The following ERBIN variants were observed in gnomAD, a reference collection of about 807,000 sequenced individuals.
ERBIN encodes erbb2 interacting protein.
ERBIN carries 60 observed loss-of-function variants against 158.4 expected under a neutral mutation model. The ratio of observed to expected loss-of-function variants is 0.38; its 90% CI spans 0.31 to 0.47. ERBIN has a LOEUF of 0.47. ERBIN is among the 20% of genes least tolerant of loss of function. The pLI is 0.99. For synonymous variants in ERBIN, 594 were observed against 557.2 expected, an observed-to-expected ratio of 1.07 and a Z score of -0.93; for missense variants, 1,610 against 1,648.0, an observed-to-expected ratio of 0.98 and a Z score of 0.40.
At chr5:65,999,237 A>G (rs1752774773) in intron 4 of ERBIN, among the ~76,000 whole-genome samples, 2 of 152,052 alleles carry the variant, frequency 1.3e-5, no homozygotes. Flanking sequence ...TTGGTGGTGG[A>G]CGCCTATAAT....
At chr5:65,964,148 G>A (rs1365326169) in intron 1 of ERBIN, among the ~76,000 whole-genome samples, 1 of 152,162 alleles carries the variant, frequency 6.6e-6, no homozygotes, top group Non-Finnish European at 1.5e-5. Context: ...TGAAACTCTA[G>A]TATTAGATGG....
At position 66,025,830 on chromosome 5, in the gene ERBIN, T is replaced by G. The variant is rs762221106; in HGVS notation, c.891-18T>G. The G allele has an allele frequency of 7.4e-7, 1 of 1,351,998 alleles. No homozygotes were observed. The highest frequency in any genetic ancestry group is 1.5e-5 in the African/African-American group (1 of 66,108). The allele number at this position is 1,351,998 out of a possible 1,614,324, so 83.8% of individuals were successfully genotyped here. A position where few individuals can be genotyped will look rare whatever the true frequency, so the allele number is the denominator to read the frequency against. ...AAATCTTTAACAAATAATATATATT[T>G]CTTTTTTTAAATTAAAGGTTAATAT... is the stretch of plus-strand genomic sequence containing the variant. On this transcript the variant is annotated intron_variant, in intron 11 of 25. Transcript: ENST00000284037.
At chr5:66,013,911 G>C (rs1399383639) in intron 6 of ERBIN, among the ~76,000 whole-genome samples, 1 of 152,086 alleles carries the variant, frequency 6.6e-6, no homozygotes, top group Non-Finnish European at 1.5e-5. Flanking sequence ...TTGAGATACT[G>C]AATGCTATAT....
At chr5:66,043,359 A>C (rs1334744444) in intron 16 of ERBIN, among the ~76,000 whole-genome samples, 161 bp downstream of exon 16, 3 of 152,214 alleles carry the variant, frequency 2.0e-5, no homozygotes, top group African/African-American at 7.2e-5. Context: ...TCAGACATGA[A>C]AGAATTTGGG....
Position 65,959,669 on chromosome 5 carries a change from C to T in ERBIN, c.-57-28966C>T, listed in dbSNP as rs562775947. Among the ~76,000 whole-genome samples the T allele has an allele frequency of 1.3e-3, 195 of 152,280 alleles. 3 individuals carry two copies. In the South Asian group the frequency reaches 0.039, roughly 30 times the overall value. On this transcript the variant is annotated intron_variant, in intron 1 of 25. Coordinates refer to ENST00000284037, the MANE Select transcript of ERBIN (RefSeq NM_001253697.2). ...CAGGTTCAGTCAAATTCATCTGGTT[C>T]TCAAATCGTATGACACTTATGACTG...
At chr5:65,980,328 T>C (rs1385261617) in intron 1 of ERBIN, among the ~76,000 whole-genome samples, 1 of 152,064 alleles carries the variant, frequency 6.6e-6, no homozygotes, top group East Asian at 1.9e-4. Flanking sequence ...CCCAGGAGGC[T>C]GAGGCAGGAG....
intron 2 of ERBIN, among the ~76,000 whole-genome samples, chr5:65,990,316 GAAT>G (rs1751724569): frequency 6.6e-6 from 1 of 152,152 alleles, no homozygotes; most frequent in South Asian, 2.1e-4. Context: ...AGTGACGATG[GAAT>G]GAGAGTCTGC....
intron 7 of ERBIN, among the ~76,000 whole-genome samples, chr5:66,020,419 A>G (rs1036868823): frequency 6.6e-6 from 1 of 151,984 alleles, no homozygotes; most frequent in Non-Finnish European, 1.5e-5. Context: ...ACTCATTTTC[A>G]AAGTATTAAC....
Position 66,011,516 on chromosome 5 carries a change from C to T in ERBIN, c.308-533C>T, listed in dbSNP as rs571133339. 6.6e-5 allele frequency among the ~76,000 whole-genome samples: 10 copies of T among 152,122 alleles called. No individual in the cohort carries two copies. The South Asian group carries it at 1.0e-3, about 16-fold the overall frequency. ...CAGTCTGACCAGCATGGTGAAACCC[C>T]GTCTCTACTGAAATACAAAAATTAG... On this transcript the variant is annotated intron_variant, in intron 4 of 25. Coordinates refer to ENST00000284037, the MANE Select transcript of ERBIN (RefSeq NM_001253697.2).
rs1327052052 is a variant in ERBIN at position 65,957,224 on chromosome 5, ATTTTAT to A, written c.-58+30423_-58+30428del. Among the ~76,000 whole-genome samples the A allele has an allele frequency of 4.2e-4, 60 of 143,060 alleles. 1 individual carries two copies. Among genetic ancestry groups the A allele is most frequent in the African/African-American group, 1.7e-3 (59 of 33,804 alleles). 93.9% of individuals were successfully genotyped at this position (143,060 alleles called of 152,430 possible). ...TTTTTTTAAATTTTTATTTTATTTT[ATTTTAT>A]TTTTTTTATTGATCATTCTTGGGTG... On this transcript the variant is annotated intron_variant, in intron 1 of 25. Transcript: ENST00000284037.
At chr5:65,987,556 T>G (rs1221439130) in intron 1 of ERBIN, among the ~76,000 whole-genome samples, 4 of 151,714 alleles carry the variant, frequency 2.6e-5, no homozygotes, top group Admixed American at 1.3e-4. Flanking sequence ...AGCAAGACCC[T>G]GTCTCAAAAA....
chr5:66,012,078 A>T lies in ERBIN; in HGVS notation c.337A>T (p.Asn113Tyr), dbSNP rs1181390389. The T allele has an allele frequency of 1.5e-5, 24 of 1,606,656 alleles. No homozygotes were observed. Among genetic ancestry groups the T allele is most frequent in the Non-Finnish European group, 2.0e-5 (24 of 1,175,898 alleles). ...GIQEFPENIK[N>Y]CKVLTIVEAS... is the part of the protein sequence containing the mutation. Reference sequence around the variant, plus strand: ...ACAGGAGTTTCCAGAAAATATAAAAAATTGTAAAGTTTTGACAATTGTGGA... The same window carrying T: ...ACAGGAGTTTCCAGAAAATATAAAATATTGTAAAGTTTTGACAATTGTGGA... Residue 113 changes from asparagine (N) to tyrosine (Y), a missense_variant, in exon 5 of 26, where the codon AAT becomes TAT. Physicochemically the swap from Asn to Tyr is moderately radical, Grantham distance 143 (BLOSUM62 -2). Coordinates refer to ENST00000284037, the MANE Select transcript of ERBIN (RefSeq NM_001253697.2).
chr5:66,020,971 A>G (rs1186854550), intron 7 of ERBIN, among the ~76,000 whole-genome samples: 3 of 151,994 alleles, frequency 2.0e-5, no homozygotes, highest in Non-Finnish European at 4.4e-5. Flanking sequence ...AGTAATTATT[A>G]TACATCTGCC....
At chr5:65,959,677 GTATGACACT>G (rs1368679564) in intron 1 of ERBIN, among the ~76,000 whole-genome samples, 1 of 152,108 alleles carries the variant, frequency 6.6e-6, no homozygotes, top group Admixed American at 6.5e-5. Context: ...TTCTCAAATC[GTATGACACT>G]TATGACTGTG....
chr5:65,961,942 G>C (rs1173752932), intron 1 of ERBIN, among the ~76,000 whole-genome samples: 1 of 152,106 alleles, frequency 6.6e-6, no homozygotes, highest in African/African-American at 2.4e-5. Flanking sequence ...CAGAAAGCTA[G>C]TTGTCTGACA....
rs749113297 is a variant in ERBIN, at chr5:66,053,426, A to G, written c.2108A>G (p.Asn703Ser). 6.8e-7 allele frequency: 1 copy of G among 1,467,748 alleles called. No homozygotes were observed. Among genetic ancestry groups the G allele is most frequent in the South Asian group, 1.6e-5 (1 of 61,686 alleles). 90.9% of individuals were successfully genotyped at this position (1,467,748 alleles called of 1,614,324 possible). A position where few individuals can be genotyped will look rare whatever the true frequency, so the allele number is the denominator to read the frequency against. ...TTTAGGCAAGAAGATGAAAATTTTAACAGCCTTTTACAAAATGGAGATATT... is the reference window on the plus strand; with the variant it reads ...TTTAGGCAAGAAGATGAAAATTTTAGCAGCCTTTTACAAAATGGAGATATT... ...SKIRQEDENF[N>S]SLLQNGDILN... is the part of the protein sequence containing the mutation. The change falls in exon 21 of 26, where the codon AAC (asparagine) becomes AGC (serine). Residue 703 changes from asparagine (N) to serine (S), a missense_variant. This residue lies in a region of ERBIN where 1,014 missense variants were observed against 936.1 expected (regional missense o/e 1.08). Coordinates refer to ENST00000284037, the MANE Select transcript of ERBIN (RefSeq NM_001253697.2).
intron 4 of ERBIN, among the ~76,000 whole-genome samples, chr5:66,001,440 G>C (rs1373024710): frequency 6.6e-6 from 1 of 152,088 alleles, no homozygotes; most frequent in Non-Finnish European, 1.5e-5. Flanking sequence ...CTTTTAGGCT[G>C]TGATAGTTTC....
At chr5:66,078,392 G>T (rs1009631264) in intron 25 of ERBIN, 31 bp from the exon 26 acceptor site, 1 of 1,333,492 alleles carries the variant, frequency 7.5e-7, no homozygotes, top group Non-Finnish European at 1.1e-6. Flanking sequence ...ACTATAAAAT[G>T]TTTTTCCTAA....
chr5:65,998,894 CAAAAAAAA>C (rs34966696), intron 4 of ERBIN, among the ~76,000 whole-genome samples: 22 of 69,936 alleles, frequency 3.1e-4, no homozygotes, highest in African/African-American at 9.1e-4. Context: ...GACCCTGTCT[CAAAAAAAA>C]AAAAAAAAAA....
Sources: gnomAD v4.1 joint callset for allele counts (sites outside exome capture counted in the v4.1 genomes callset) on GRCh38, gnomAD v4.1.1 for gene constraint, gnomAD v4.1.1 regional missense constraint, MANE v1.5 for transcripts, NCBI Gene and HGNC (gene_info 2026-07-23, HGNC 2026-07-21) for gene names.